Variants in CEP83 observed in about 807,000 individuals in gnomAD.
CEP83 encodes the protein centrosomal protein of 83 kDa.
A neutral mutation model predicts 101.9 loss-of-function variants in CEP83; 70 were observed. That is an observed-to-expected ratio of 0.69 (90% CI 0.57 to 0.84). CEP83 has a LOEUF of 0.84. CEP83 is among the 40% of genes least tolerant of loss of function. CEP83 has a pLI of 0.00. For synonymous variants in CEP83, 264 were observed against 267.9 expected, an observed-to-expected ratio of 0.99 and a Z score of 0.14; for missense variants, 715 against 787.2, an observed-to-expected ratio of 0.91 and a Z score of 1.10.
intron 4 of CEP83, among the ~76,000 whole-genome samples, chr12:94,409,069 T>C (rs2063723753): frequency 6.6e-6 from 1 of 151,894 alleles, no homozygotes; most frequent in Non-Finnish European, 1.5e-5. Flanking sequence ...GACTAGATAA[T>C]GCACGTATAT....
intron 2 of CEP83, chr12:94,424,021 A>G: frequency 6.2e-7 from 1 of 1,612,762 alleles, no homozygotes; most frequent in East Asian, 2.2e-5. Context: ...CTGAACCTGA[A>G]GGCTGCATGA....
intron 8 of CEP83, among the ~76,000 whole-genome samples, chr12:94,371,297 T>C (rs2061294227): frequency 6.6e-6 from 1 of 152,016 alleles, no homozygotes; most frequent in Non-Finnish European, 1.5e-5. Flanking sequence ...AGGCAAGAAA[T>C]GAATAAACGG....
At chr12:94,297,230 GGCTTTCTTGT>G in the CEP83 span, 1 of 1,614,040 alleles carries the variant, frequency 6.2e-7, no homozygotes, top group Non-Finnish European at 8.5e-7. Flanking sequence ...GGTGAGTTCA[GGCTTTCTTGT>G]GCTCACCACT....
At chr12:94,281,412 T>C in the CEP83 span, among the ~76,000 whole-genome samples, 1 of 152,192 alleles carries the variant, frequency 6.6e-6, no homozygotes, top group Admixed American at 6.5e-5. Context: ...GTCAGCCGCC[T>C]GGGACTACAG....
At chr12:94,399,892 A>C (rs1437671409) in intron 6 of CEP83, among the ~76,000 whole-genome samples, 2 of 152,238 alleles carry the variant, frequency 1.3e-5, no homozygotes, top group African/African-American at 4.8e-5. Context: ...CTACACTGTC[A>C]ATGGACACAA....
At chr12:94,279,934 G>A in the CEP83 span, 2 of 540,722 alleles carry the variant, frequency 3.7e-6, no homozygotes, top group African/African-American at 1.9e-5. Flanking sequence ...CAGGCCCTGA[G>A]ACTGCACGGA....
At chr12:94,306,094 T>C (rs754464197), downstream of CEP83, 2 of 152,194 alleles carry the variant, frequency 1.3e-5, no homozygotes, top group Non-Finnish European at 2.9e-5. Flanking sequence ...AAAAAAATCA[T>C]TAATTCATTT....
chr12:94,330,619 T>C (rs1465587797), intron 14 of CEP83, among the ~76,000 whole-genome samples: 1 of 152,216 alleles, frequency 6.6e-6, no homozygotes, highest in Non-Finnish European at 1.5e-5. Context: ...CATTTCCTCC[T>C]GCTGGAGCAA....
intron 1 of CEP83, among the ~76,000 whole-genome samples, chr12:94,453,231 G>A (rs945827863): frequency 4.6e-5 from 7 of 152,032 alleles, no homozygotes; most frequent in African/African-American, 1.5e-4. Flanking sequence ...CTCTCACTAG[G>A]AACCTCATCT....
chr12:94,288,237 C>A, the CEP83 span, among the ~76,000 whole-genome samples: 1 of 152,204 alleles, frequency 6.6e-6, no homozygotes, highest in African/African-American at 2.4e-5. Flanking sequence ...TATCAAAATG[C>A]TTCCCTACTT....
chr12:94,417,732 G>A (rs1427451195), intron 2 of CEP83, among the ~76,000 whole-genome samples: 1 of 151,942 alleles, frequency 6.6e-6, no homozygotes, highest in Non-Finnish European at 1.5e-5. Flanking sequence ...GGGTTGCAGT[G>A]AGCTGTGATC....
intron 1 of CEP83, among the ~76,000 whole-genome samples, chr12:94,456,620 G>A (rs201050985): frequency 6.6e-6 from 1 of 152,192 alleles, no homozygotes; most frequent in East Asian, 1.9e-4. Flanking sequence ...GAGAATGAAT[G>A]CAGGAGGAAC....
At chr12:94,338,754 T>A (rs1843668898) in intron 11 of CEP83, among the ~76,000 whole-genome samples, 1 of 152,048 alleles carries the variant, frequency 6.6e-6, no homozygotes, top group Non-Finnish European at 1.5e-5. Flanking sequence ...ACTTTTGAAG[T>A]AATTATGAAG....
intron 11 of CEP83, among the ~76,000 whole-genome samples, chr12:94,360,782 C>G (rs943797189): frequency 6.6e-6 from 1 of 151,744 alleles, no homozygotes; most frequent in African/African-American, 2.4e-5. Context: ...CACAAGACTC[C>G]AAAGAGTCAA....
At chr12:94,299,629 G>A in the CEP83 span, among the ~76,000 whole-genome samples, 1 of 151,714 alleles carries the variant, frequency 6.6e-6, no homozygotes, top group Non-Finnish European at 1.5e-5. Context: ...GTGGGATCTC[G>A]GTTCACTGCA....
At position 94,333,600 on chromosome 12, in the gene CEP83, G is replaced by A; in HGVS notation, c.1459C>T (p.Gln487Ter). The A allele has an allele frequency of 6.2e-7, 1 of 1,613,456 alleles. No individual in the cohort carries two copies. The highest frequency in any genetic ancestry group is 8.5e-7 in the Non-Finnish European group (1 of 1,179,608). Reference protein sequence around the residue: ...SLQIQVTSLAQSENDLLNSNQ... With the variant: ...SLQIQVTSLA ...GAATTCAGCAAGTCATTCTCTGACT[G>A]TGCAAGTGAAGTCACTTGGATCTGC... Residue 487 changes from glutamine to a stop codon, truncating the protein, a stop_gained, in exon 13 of 17, where the codon CAG (glutamine) becomes TAG (stop). Transcript: ENST00000397809. LOFTEE classifies it high-confidence loss of function.
intron 6 of CEP83, among the ~76,000 whole-genome samples, chr12:94,380,347 T>C (rs981532713): frequency 4.6e-5 from 7 of 152,184 alleles, no homozygotes; most frequent in Admixed American, 6.5e-5. Flanking sequence ...ATGAGAAATA[T>C]AGGTAGAGCT....
the CEP83 span, among the ~76,000 whole-genome samples, chr12:94,276,449 G>C: frequency 6.6e-6 from 1 of 151,520 alleles, no homozygotes; most frequent in African/African-American, 2.4e-5. Context: ...GGGTCAGGAG[G>C]GCTCCTGGGC....
At chr12:94,299,053 A>G in the CEP83 span, among the ~76,000 whole-genome samples, 1,137 of 152,360 alleles carry the variant, frequency 7.5e-3, 15 homozygotes, top group African/African-American at 0.026. Context: ...AGAATGTTAA[A>G]AGAAATTTAA....
Sources: gnomAD v4.1 joint callset for allele counts (sites outside exome capture counted in the v4.1 genomes callset) on GRCh38, gnomAD v4.1.1 for gene constraint, MANE v1.5 for transcripts, NCBI Gene and HGNC (gene_info 2026-07-23, HGNC 2026-07-21) for gene names.